The following PCDH9 variants were observed in gnomAD, a reference collection of about 807,000 sequenced individuals.
The protein encoded by PCDH9 is protocadherin-9.
A neutral mutation model predicts 70.6 loss-of-function variants in PCDH9; 24 were observed. The observed-to-expected ratio is 0.34, with a 90% confidence interval of 0.25 to 0.48. PCDH9 has a LOEUF of 0.48. PCDH9 is among the 20% of genes least tolerant of loss of function. The pLI, the probability that PCDH9 is intolerant of heterozygous loss-of-function variation, is 0.99. For missense variants in PCDH9, 1,281 were observed against 1,503.6 expected (o/e 0.85, Z 2.45); for synonymous variants, 562 against 558.5 (o/e 1.01, Z -0.09).
intron 2 of PCDH9, among the ~76,000 whole-genome samples, chr13:67,142,551 T>A (rs1263610985): frequency 6.6e-6 from 1 of 152,202 alleles, no homozygotes; most frequent in African/African-American, 2.4e-5. Flanking sequence ...GCATGTAGTA[T>A]GTGCTCAATA....
chr13:66,543,851 T>C (rs1468633196), intron 4 of PCDH9, among the ~76,000 whole-genome samples: 1 of 152,098 alleles, frequency 6.6e-6, no homozygotes, highest in African/African-American at 2.4e-5. Flanking sequence ...GAGACTGAAA[T>C]TACCCTTGGA....
chr13:66,953,455 G>A (rs1423641425), intron 2 of PCDH9, among the ~76,000 whole-genome samples: 8 of 152,166 alleles, frequency 5.3e-5, no homozygotes, highest in African/African-American at 1.9e-4. Context: ...GTTAGTCATT[G>A]CAATATTTGT....
chr13:67,029,681 T>C (rs2084865226), intron 2 of PCDH9, among the ~76,000 whole-genome samples: 1 of 152,224 alleles, frequency 6.6e-6, no homozygotes, highest in Non-Finnish European at 1.5e-5. Flanking sequence ...AGCTTATTCA[T>C]CATTTTTTCC....
At chr13:66,824,303 GTATATATATATATA>G (rs60742942) in intron 3 of PCDH9, among the ~76,000 whole-genome samples, 3,721 of 128,148 alleles carry the variant, frequency 0.029, 124 homozygotes, top group African/African-American at 0.076. Flanking sequence ...TTGTTTGAAA[GTATATATATATATA>G]TATATATATA....
intron 4 of PCDH9, among the ~76,000 whole-genome samples, chr13:66,485,558 C>T (rs963397262): frequency 6.6e-6 from 1 of 151,756 alleles, no homozygotes; most frequent in Non-Finnish European, 1.5e-5. Flanking sequence ...ATAAGAAAGG[C>T]ACCAGAAATG....
chr13:66,631,155 G>A, intron 4 of PCDH9, 55 bp downstream of exon 4: 2 of 853,392 alleles, frequency 2.3e-6, no homozygotes, highest in South Asian at 2.7e-5. Context: ...GAAAGCTCAA[G>A]TGCACTACAA....
rs182675766 is a variant in PCDH9, at chr13:66,515,988, C to T, written c.3340+115222G>A. 9.8e-4 allele frequency among the ~76,000 whole-genome samples: 149 copies of T among 152,066 alleles called. 2 individuals carry two copies. Among genetic ancestry groups the T allele is most frequent in the African/African-American group, 3.5e-3 (146 of 41,548 alleles). On this transcript the variant is annotated intron_variant, in intron 4 of 4. Coordinates refer to ENST00000377865, the MANE Select transcript of PCDH9 (RefSeq NM_203487.3). ...TACAAGGGAACATCTTTCTCCCATA[C>T]CCATTGGCTTTGCTGTCACTGAAAA...
intron 4 of PCDH9, among the ~76,000 whole-genome samples, chr13:66,381,928 T>C (rs1485577905): frequency 2.0e-5 from 3 of 151,950 alleles, no homozygotes; most frequent in Non-Finnish European, 4.4e-5. Flanking sequence ...CTTTGCCATC[T>C]ATACCAAGGG....
intron 4 of PCDH9, among the ~76,000 whole-genome samples, chr13:66,620,736 A>C (rs1021866219): frequency 1.3e-5 from 2 of 151,930 alleles, no homozygotes; most frequent in African/African-American, 4.8e-5. Flanking sequence ...AAATCTTCAT[A>C]GCATCACTGC....
intron 3 of PCDH9, among the ~76,000 whole-genome samples, chr13:66,680,017 G>A (rs907086778): frequency 6.6e-6 from 1 of 151,710 alleles, no homozygotes; most frequent in Non-Finnish European, 1.5e-5. Flanking sequence ...TTTCTTTCTT[G>A]TTATGTGGTA....
At chr13:67,102,559 G>T (rs2086456957) in intron 2 of PCDH9, among the ~76,000 whole-genome samples, 1 of 152,086 alleles carries the variant, frequency 6.6e-6, no homozygotes, top group South Asian at 2.1e-4. Flanking sequence ...TAAATGCTCA[G>T]TTACCGTCTT....
At chr13:66,668,660 G>A (rs2139033198) in intron 3 of PCDH9, among the ~76,000 whole-genome samples, 2 of 152,298 alleles carry the variant, frequency 1.3e-5, no homozygotes, top group Middle Eastern at 3.4e-3. Context: ...GACCGAGAGA[G>A]CCCTCTAAAA....
intron 3 of PCDH9, among the ~76,000 whole-genome samples, chr13:66,828,304 T>A (rs1214875784): frequency 6.6e-6 from 1 of 152,162 alleles, no homozygotes; most frequent in Non-Finnish European, 1.5e-5. Context: ...AGCATGATAA[T>A]TTCTGCATTC....
chr13:66,482,833 A>AAATCC (rs1313907589), intron 4 of PCDH9, among the ~76,000 whole-genome samples: 3 of 152,224 alleles, frequency 2.0e-5, no homozygotes, highest in Admixed American at 2.0e-4. Flanking sequence ...GTCAATCTAG[A>AAATCC]AATCCAATCT....
chr13:67,086,342 T>G (rs1256683200), intron 2 of PCDH9, among the ~76,000 whole-genome samples: 1 of 152,200 alleles, frequency 6.6e-6, no homozygotes, highest in South Asian at 2.1e-4. Flanking sequence ...ATATGGTTTG[T>G]ACAGTTACAC....
At chr13:66,473,425 T>G (rs1358986590) in intron 4 of PCDH9, among the ~76,000 whole-genome samples, 3 of 152,090 alleles carry the variant, frequency 2.0e-5, no homozygotes, top group African/African-American at 7.2e-5. Flanking sequence ...TTTCTGTGCA[T>G]GTACACACAC....
chr13:67,165,181 AC>A (rs2088076753), intron 2 of PCDH9, among the ~76,000 whole-genome samples: 1 of 152,202 alleles, frequency 6.6e-6, no homozygotes, highest in African/African-American at 2.4e-5. Flanking sequence ...ACTTCACTTT[AC>A]TTTTTTATTA....
At chr13:66,989,402 G>A (rs1035554757) in intron 2 of PCDH9, among the ~76,000 whole-genome samples, 4 of 151,892 alleles carry the variant, frequency 2.6e-5, no homozygotes, top group African/African-American at 4.8e-5. Context: ...GCCATTAAAT[G>A]TACTAAAATT....
At chr13:67,184,091 T>C (rs1430283194) in intron 2 of PCDH9, among the ~76,000 whole-genome samples, 2 of 152,184 alleles carry the variant, frequency 1.3e-5, no homozygotes, top group African/African-American at 2.4e-5. Context: ...AAATTTTCTA[T>C]GTTTCATGCG....
Sources: allele counts gnomAD v4.1 joint callset (sites outside exome capture counted in the v4.1 genomes callset), GRCh38; gene constraint gnomAD v4.1.1; transcripts MANE v1.5; gene names NCBI Gene and HGNC (gene_info 2026-07-23, HGNC 2026-07-21).